The following PRKN variants were observed in gnomAD, a reference collection of about 807,000 sequenced individuals.
PRKN encodes E3 ubiquitin-protein ligase parkin.
A neutral mutation model predicts 59.5 loss-of-function variants in PRKN; 56 were observed. That is an observed-to-expected ratio of 0.94 (90% CI 0.76 to 1.18). The LOEUF (loss-of-function observed/expected upper bound fraction) is 1.18. Ranked by LOEUF, PRKN falls within the 50% of genes most tolerant of loss-of-function variation. The pLI is 0.00. For synonymous variants in PRKN, 250 were observed against 222.1 expected, an observed-to-expected ratio of 1.13 and a Z score of -1.12; for missense variants, 657 against 596.4, an observed-to-expected ratio of 1.10 and a Z score of -1.06.
At chr6:162,342,295 A>G (rs565450769) in intron 2 of PRKN, among the ~76,000 whole-genome samples, 2 of 152,310 alleles carry the variant, frequency 1.3e-5, no homozygotes, top group African/African-American at 4.8e-5. Context: ...TGATTGCAAT[A>G]TAGTTTTTCC....
chr6:161,521,677 T>TGAAGGTCA (rs1778830775), intron 9 of PRKN, among the ~76,000 whole-genome samples: 1 of 152,190 alleles, frequency 6.6e-6, no homozygotes, highest in Non-Finnish European at 1.5e-5. Flanking sequence ...TGGCAAGCTC[T>TGAAGGTCA]GAAGGTCAGG....
intron 1 of PRKN, among the ~76,000 whole-genome samples, chr6:162,615,032 GGAA>G (rs1423455875): frequency 5.3e-5 from 8 of 152,120 alleles, no homozygotes; most frequent in East Asian, 3.9e-4. Context: ...CACCTCAGCT[GGAA>G]GAAGATCATT....
At chr6:161,392,163 C>G (rs10455883) in intron 9 of PRKN, among the ~76,000 whole-genome samples, 2 of 151,786 alleles carry the variant, frequency 1.3e-5, no homozygotes, top group South Asian at 4.2e-4. Context: ...GGTCTCGAAC[C>G]CTGACCTCGT....
intron 9 of PRKN, among the ~76,000 whole-genome samples, chr6:161,534,184 A>G (rs777889888): frequency 3.9e-5 from 6 of 152,060 alleles, no homozygotes; most frequent in Non-Finnish European, 5.9e-5. Flanking sequence ...TCCGTCGGCT[A>G]ATCATTCCTC....
In PRKN at chr6:161,525,481, G is replaced by T. The variant is rs1027951254; in HGVS notation, c.1083+23373C>A. ...GGAATAAAAGGGCCAACAGGTCAGGGATATTGGGAGCAGGAGAACTGTGGT... is the reference window on the plus strand; with the variant it reads ...GGAATAAAAGGGCCAACAGGTCAGGTATATTGGGAGCAGGAGAACTGTGGT... On this transcript the variant is annotated intron_variant, in intron 9 of 11. Transcript: ENST00000366898. The surrounding 1 kb of genome is among the most constrained non-coding windows in gnomAD (Gnocchi z 4.7). Among the ~76,000 whole-genome samples the T allele has an allele frequency of 1.3e-5, 2 of 152,166 alleles. No homozygotes were observed. Among genetic ancestry groups the T allele is most frequent in the Non-Finnish European group, 2.9e-5 (2 of 68,036 alleles).
chr6:162,029,073 A>G (rs746361033), intron 5 of PRKN, among the ~76,000 whole-genome samples: 2 of 152,192 alleles, frequency 1.3e-5, no homozygotes, highest in African/African-American at 2.4e-5. Flanking sequence ...GTGCCCAAAT[A>G]CAATCAGAAC....
chr6:162,388,663 G>C (rs566332526), intron 2 of PRKN, among the ~76,000 whole-genome samples: 2 of 152,188 alleles, frequency 1.3e-5, no homozygotes, highest in South Asian at 4.1e-4. Flanking sequence ...TGCTGCCATG[G>C]GTGGAGCCTC....
intron 6 of PRKN, among the ~76,000 whole-genome samples, chr6:161,810,805 T>C (rs932869197): frequency 6.6e-6 from 1 of 152,188 alleles, no homozygotes; most frequent in African/African-American, 2.4e-5. Flanking sequence ...TCCTTAGGAT[T>C]CTAATTCAAA....
intron 2 of PRKN, among the ~76,000 whole-genome samples, chr6:162,287,663 C>G (rs915393776): frequency 1.1e-4 from 16 of 152,108 alleles, no homozygotes; most frequent in Non-Finnish European, 2.4e-4. Flanking sequence ...TTTCATCATT[C>G]TTTTGTGATT....
At chr6:161,512,356 T>C (rs148929140) in intron 9 of PRKN, among the ~76,000 whole-genome samples, 1 of 51,108 alleles carries the variant, frequency 2.0e-5, no homozygotes, top group African/African-American at 9.5e-5. Context: ...CTCTGGTGCA[T>C]AAGACAATAT....
intron 1 of PRKN, among the ~76,000 whole-genome samples, chr6:162,714,688 A>G (rs959481870): frequency 6.6e-6 from 1 of 152,210 alleles, no homozygotes; most frequent in African/African-American, 2.4e-5. Flanking sequence ...CTTTGAGCAT[A>G]TGTTTCTACT....
At chr6:161,739,788 T>C (rs1788113052) in intron 7 of PRKN, among the ~76,000 whole-genome samples, 1 of 152,114 alleles carries the variant, frequency 6.6e-6, no homozygotes, top group Admixed American at 6.6e-5. Context: ...GGAGTCTTGC[T>C]CTGTCCTGCA....
At chr6:161,760,686 T>G (rs1789160996) in intron 7 of PRKN, among the ~76,000 whole-genome samples, 1 of 152,198 alleles carries the variant, frequency 6.6e-6, no homozygotes, top group Non-Finnish European at 1.5e-5. Context: ...TTTGTGGTCG[T>G]GGGACACAGA....
At chr6:161,723,048 C>T (rs984353835) in intron 7 of PRKN, among the ~76,000 whole-genome samples, 1 of 152,174 alleles carries the variant, frequency 6.6e-6, no homozygotes, top group Non-Finnish European at 1.5e-5. Context: ...GCGGGTGGAT[C>T]ACTTGAGGTC....
chr6:162,031,238 AT>A (rs558424739), intron 5 of PRKN, among the ~76,000 whole-genome samples: 203 of 144,574 alleles, frequency 1.4e-3, no homozygotes, highest in Middle Eastern at 3.6e-3. Context: ...AAGGGCACCT[AT>A]TTTTTTTTTT....
chr6:162,587,977 T>A (rs1185019781), intron 1 of PRKN, among the ~76,000 whole-genome samples: 1 of 151,230 alleles, frequency 6.6e-6, no homozygotes, highest in African/African-American at 2.4e-5. Flanking sequence ...AAGTTACATA[T>A]CAACATAACC....
At chr6:162,590,922 G>A (rs929259818) in intron 1 of PRKN, among the ~76,000 whole-genome samples, 1 of 152,034 alleles carries the variant, frequency 6.6e-6, no homozygotes, top group Non-Finnish European at 1.5e-5. Flanking sequence ...TCCAGGCCTC[G>A]TATCAACTAG....
rs538075542 is a variant in PRKN at position 161,560,886 on chromosome 6, A to G, written c.933+8469T>C. The stretch of plus-strand genomic sequence containing the variant: ...GACAGCTTCTGTCATCTACCACCAG[A>G]AGCATTGCCTGGAAAACACAGATTT... On this transcript the variant is annotated intron_variant, in intron 8 of 11. Transcript: ENST00000366898. This position sits in a 1 kb window ranked among gnomAD's most constrained non-coding sequence, Gnocchi z 4.9. 6.6e-6 allele frequency among the ~76,000 whole-genome samples: 1 copy of G among 152,196 alleles called. No individual in the cohort carries two copies. The highest frequency in any genetic ancestry group is 1.5e-5 in the Non-Finnish European group (1 of 68,028).
chr6:161,857,113 CA>C (rs1163849537), intron 6 of PRKN, among the ~76,000 whole-genome samples: 1 of 152,056 alleles, frequency 6.6e-6, no homozygotes, highest in African/African-American at 2.4e-5. Context: ...CCTGTAATCC[CA>C]GCTACTCGGG....
Sources: gnomAD v4.1 joint callset for allele counts (sites outside exome capture counted in the v4.1 genomes callset) on GRCh38, gnomAD v4.1.1 for gene constraint, Gnocchi (gnomAD v3.1) non-coding constraint, MANE v1.5 for transcripts, NCBI Gene and HGNC (gene_info 2026-07-23, HGNC 2026-07-21) for gene names.